ADCY8: variants seen among roughly 807,000 people sequenced by gnomAD.
ADCY8 encodes adenylate cyclase type 8.
In ADCY8, 51 loss-of-function variants were observed where a neutral mutation model predicts 119.7. The observed-to-expected ratio is 0.43, with a 90% CI of 0.34 to 0.54. The LOEUF is 0.54. ADCY8 is among the 20% of genes least tolerant of loss of function. The pLI is 0.03. For missense variants in ADCY8, 1,383 were observed against 1,598.8 expected (o/e 0.87, Z 2.30); for synonymous variants, 665 against 651.0 (o/e 1.02, Z -0.33).
intron 4 of ADCY8, among the ~76,000 whole-genome samples, chr8:130,939,093 ATT>A (rs397961879): frequency 4.8e-5 from 7 of 146,700 alleles, no homozygotes; most frequent in South Asian, 2.2e-4. Context: ...TGTAGGGTAC[ATT>A]TTTTTTTTTT....
At chr8:130,842,398 G>C (rs771041552) in intron 11 of ADCY8, among the ~76,000 whole-genome samples, 16 of 152,204 alleles carry the variant, frequency 1.1e-4, no homozygotes, top group Non-Finnish European at 2.4e-4. Context: ...TTTTAGGTTA[G>C]CAGCTAGGAC....
intron 1 of ADCY8, among the ~76,000 whole-genome samples, chr8:131,009,314 A>C (rs1313458752): frequency 6.6e-6 from 1 of 152,188 alleles, no homozygotes; most frequent in Non-Finnish European, 1.5e-5. Flanking sequence ...AGCCCCAGTC[A>C]TGGCTAAAAG....
Position 130,847,453 on chromosome 8 carries a change from C to T in ADCY8, c.2473G>A (p.Val825Met). ...LKNLTFNSSAVFTDICSYPEY... is the reference protein window; with the variant it reads ...LKNLTFNSSAMFTDICSYPEY... ...GGGTAGGAGCAGATATCTGTAAACA[C>T]AGCTGAGGAATTGAAAGTCAGGTTC... The change falls in exon 11 of 18, where the codon GTG becomes ATG. Residue 825 changes from valine (V) to methionine (M), a missense_variant. By Grantham distance (21) the Val-to-Met change is conservative (BLOSUM62 1). Around this residue, in one of 2 missense-constraint regions of ADCY8, gnomAD observed 928 missense variants for 1,163.5 expected, o/e 0.80. Coordinates refer to ENST00000286355, the MANE Select transcript of ADCY8 (RefSeq NM_001115.3). 1 of 1,612,058 alleles carries T rather than the reference C, an allele frequency of 6.2e-7. No homozygotes were observed. Among genetic ancestry groups the T allele is most frequent in the Non-Finnish European group, 8.5e-7 (1 of 1,179,402 alleles).
chr8:130,783,968 C>G (rs1409715928), intron 16 of ADCY8, among the ~76,000 whole-genome samples, 163 bp from the exon 17 acceptor site: 1 of 152,168 alleles, frequency 6.6e-6, no homozygotes, highest in Non-Finnish European at 1.5e-5. Flanking sequence ...ACTGGTATCT[C>G]AGAACATGGG....
chr8:130,886,253 G>A (rs1285228907), intron 7 of ADCY8, among the ~76,000 whole-genome samples: 1 of 152,096 alleles, frequency 6.6e-6, no homozygotes, highest in Non-Finnish European at 1.5e-5. Context: ...GTGCCAACAT[G>A]AGAAAGCAAA....
At chr8:130,997,005 T>C (rs1274231716) in intron 1 of ADCY8, among the ~76,000 whole-genome samples, 1 of 152,162 alleles carries the variant, frequency 6.6e-6, no homozygotes, top group Non-Finnish European at 1.5e-5. Flanking sequence ...TGTAGCTTTA[T>C]TCATGAAAAA....
chr8:130,941,254 T>G (rs1820947006), intron 4 of ADCY8, among the ~76,000 whole-genome samples: 1 of 152,212 alleles, frequency 6.6e-6, no homozygotes, highest in South Asian at 2.1e-4. Flanking sequence ...CTGGTCTTCC[T>G]GCCCTCTCCG....
intron 2 of ADCY8, among the ~76,000 whole-genome samples, chr8:130,977,467 T>C (rs562885520): frequency 6.6e-6 from 1 of 152,314 alleles, no homozygotes; most frequent in South Asian, 2.1e-4. Context: ...GTTTCTCCCT[T>C]TACTTATTTA....
chr8:130,963,257 C>T (rs966758554), intron 2 of ADCY8, among the ~76,000 whole-genome samples: 2 of 152,034 alleles, frequency 1.3e-5, no homozygotes, highest in Admixed American at 6.6e-5. Flanking sequence ...TTTTGCAGAA[C>T]CATTGTTCTA....
intron 14 of ADCY8, among the ~76,000 whole-genome samples, chr8:130,812,165 T>C (rs1478044934): frequency 1.3e-5 from 2 of 152,140 alleles, no homozygotes; most frequent in African/African-American, 4.8e-5. Context: ...TGGCTTTGTG[T>C]TGCATGATCC....
At chr8:130,909,993 A>C (rs752057012) in intron 5 of ADCY8, 127 bp from the exon 6 acceptor site, 104 of 852,360 alleles carry the variant, frequency 1.2e-4, no homozygotes, top group Admixed American at 1.9e-4. Flanking sequence ...GCTGGAGTGC[A>C]ATGGAGCTGC....
At chr8:130,968,202 G>T (rs573992723) in intron 2 of ADCY8, among the ~76,000 whole-genome samples, 1 of 149,824 alleles carries the variant, frequency 6.7e-6, no homozygotes, top group African/African-American at 2.5e-5. Flanking sequence ...ACAGGGTCTC[G>T]CTCTGTCACC....
At chr8:130,828,105 G>A (rs775544653) in intron 12 of ADCY8, among the ~76,000 whole-genome samples, 4 of 152,130 alleles carry the variant, frequency 2.6e-5, no homozygotes, top group African/African-American at 4.8e-5. Flanking sequence ...CTGAACTGAC[G>A]CCAGCCTCCA....
At chr8:130,880,983 G>T (rs1352076449) in intron 8 of ADCY8, among the ~76,000 whole-genome samples, 1 of 152,208 alleles carries the variant, frequency 6.6e-6, no homozygotes. Context: ...TAAGCTACAT[G>T]AGTCATGAGC....
At chr8:130,964,342 TC>T (rs1821698108) in intron 2 of ADCY8, among the ~76,000 whole-genome samples, 1 of 152,246 alleles carries the variant, frequency 6.6e-6, no homozygotes, top group Non-Finnish European at 1.5e-5. Context: ...ACCTACAGCT[TC>T]TATTCTATCT....
chr8:130,994,179 C>T (rs541036063), intron 1 of ADCY8, among the ~76,000 whole-genome samples: 2 of 152,316 alleles, frequency 1.3e-5, no homozygotes, highest in East Asian at 3.9e-4. Context: ...AATAGTTGGT[C>T]CTCTTCAGTT....
chr8:130,869,550 C>G (rs200101562), intron 8 of ADCY8, among the ~76,000 whole-genome samples: 1 of 142,542 alleles, frequency 7.0e-6, no homozygotes, highest in Non-Finnish European at 1.5e-5. Flanking sequence ...CAGAGTCTCG[C>G]TCTGTCGCCC....
intron 3 of ADCY8, among the ~76,000 whole-genome samples, chr8:130,950,982 G>A (rs1464422205): frequency 6.6e-6 from 1 of 152,204 alleles, no homozygotes; most frequent in Non-Finnish European, 1.5e-5. Flanking sequence ...ACAGGCGCGA[G>A]CGACCGTGCC....
intron 2 of ADCY8, among the ~76,000 whole-genome samples, chr8:130,960,151 A>G (rs1821555183): frequency 6.6e-6 from 1 of 152,038 alleles, no homozygotes; most frequent in African/African-American, 2.4e-5. Flanking sequence ...TGGGAGGGAG[A>G]CTTGTAGGAA....
Sources: allele counts gnomAD v4.1 joint callset (sites outside exome capture counted in the v4.1 genomes callset), GRCh38; gene constraint gnomAD v4.1.1; regional missense constraint gnomAD v4.1.1; transcripts MANE v1.5; gene names NCBI Gene and HGNC (gene_info 2026-07-23, HGNC 2026-07-21).